Variants in MACF1 observed in about 807,000 individuals in gnomAD.
The protein encoded by MACF1 is microtubule-actin cross-linking factor 1.
MACF1 carries 193 observed loss-of-function variants against 854.8 expected under a neutral mutation model. That is an observed-to-expected ratio of 0.23 (90% CI 0.20 to 0.25). The LOEUF is 0.25. Among genes scored for constraint, MACF1 ranks in the 10% least tolerant of loss-of-function variants. The pLI, the probability that MACF1 is intolerant of heterozygous loss-of-function variation, is 1.00. For synonymous variants in MACF1, 3,185 were observed against 3,226.7 expected (o/e 0.99, Z 0.44); for missense variants, 7,722 against 8,929.1 (o/e 0.86, Z 5.45).
Position 39,335,541 on chromosome 1 carries a change from A to G in MACF1, c.8953A>G (p.Ser2985Gly), listed in dbSNP as rs1037447419. ...GAAGAGGGAGGTGATTGTAGAAGAAAGTATCAGAACATGCAAACCAGCATT... is the reference window on the plus strand; with the variant it reads ...GAAGAGGGAGGTGATTGTAGAAGAAGGTATCAGAACATGCAAACCAGCATT... ...REKREVIVEESIRTCKPAFLS... is the reference protein window; with the variant it reads ...REKREVIVEEGIRTCKPAFLS... Residue 2985 changes from serine to glycine, a missense_variant, in exon 37 of 101, where the codon AGT becomes GGT. Physicochemically the swap from Ser to Gly is moderately conservative, Grantham distance 56. This residue lies in a region of MACF1 where 854 missense variants were observed against 852.6 expected (regional missense o/e 1.00). Transcript: ENST00000564288. 2.5e-6 allele frequency: 4 copies of G among 1,614,096 alleles called. No homozygotes were observed. The highest frequency in any genetic ancestry group is 2.7e-5 in the African/African-American group (2 of 74,952).
In MACF1 at chr1:39,439,301, T is replaced by C; in HGVS notation, c.18248T>C (p.Val6083Ala). Residue 6083 changes from valine to alanine, a missense_variant, in exon 72 of 101, where the codon GTA (valine) becomes GCA (alanine). Val to Ala is a moderately conservative substitution (Grantham distance 64). Coordinates refer to ENST00000564288, the MANE Select transcript of MACF1 (RefSeq NM_001394062.1). ...KEIQDKLDQM[V>A]FFWEDIKARA... ...ATCCAGGATAAATTGGATCAAATGG[T>C]ATTCTTCTGGGAGGACATCAAAGCT... 6.2e-7 allele frequency: 1 copy of C among 1,613,238 alleles called. No individual in the cohort carries two copies. Among genetic ancestry groups the C allele is most frequent in the Non-Finnish European group, 8.5e-7 (1 of 1,179,200 alleles).
In MACF1 at chr1:39,295,069, G is replaced by C. The variant is rs766012048; in HGVS notation, c.2178G>C (p.Glu726Asp). 6 of 1,613,960 alleles carry C rather than the reference G, an allele frequency of 3.7e-6. 1 individual carries two copies. In the Admixed American group the frequency reaches 1.0e-4, roughly 27 times the overall value. ...AGGAGTTGACAATGGAACTGGAGGAGAAACAGGATGTGTTTCGTTCTCTAC... is the reference window on the plus strand; with the variant it reads ...AGGAGTTGACAATGGAACTGGAGGACAAACAGGATGTGTTTCGTTCTCTAC... ...YFSELTMELE[E>D]KQDVFRSLQD... The change falls in exon 19 of 101, where the codon GAG becomes GAC. Residue 726 changes from glutamate to aspartate, a missense_variant. Glu to Asp is a conservative substitution (Grantham distance 45, BLOSUM62 2). Around this residue, in one of 15 missense-constraint regions of MACF1, gnomAD observed 1,137 missense variants for 1,263.0 expected, o/e 0.90. Transcript: ENST00000564288.
chr1:39,100,363 C>G (rs1010114362), intron 2 of MACF1, among the ~76,000 whole-genome samples: 5 of 152,124 alleles, frequency 3.3e-5, no homozygotes, highest in Non-Finnish European at 7.3e-5. Context: ...AGGAGGTACA[C>G]ACAAGGGTGT....
At chr1:39,119,872 CTTTTTTT>C (rs571383832) in intron 2 of MACF1, among the ~76,000 whole-genome samples, 1 of 65,570 alleles carries the variant, frequency 1.5e-5, no homozygotes, top group South Asian at 6.0e-4. Flanking sequence ...AATAAAGCCT[CTTTTTTT>C]TTTTTTTTTT....
rs34762038 is a variant in MACF1 at position 39,131,151 on chromosome 1, C to CTTTTT, written c.220+46737_220+46741dup. Among the ~76,000 whole-genome samples, 71 of 42,380 alleles carry CTTTTT rather than the reference C, an allele frequency of 1.7e-3. 13 individuals carry two copies. Among genetic ancestry groups the CTTTTT allele is most frequent in the East Asian group, 7.9e-3 (8 of 1,016 alleles). 27.8% of individuals were successfully genotyped at this position (42,380 alleles called of 152,430 possible). Reference sequence around the variant, plus strand: ...ACAGGTGTGAGCCACTGCGCCCGGCCTTTTTTTTTTTTTTTTTTTTTTTTT... The same window carrying CTTTTT: ...ACAGGTGTGAGCCACTGCGCCCGGCCTTTTTTTTTTTTTTTTTTTTTTTTTTTTTT... On this transcript the variant is annotated intron_variant, in intron 2 of 93. Coordinates refer to the MACF1 transcript ENST00000361689.
At chr1:39,384,419 C>G (rs1436603110) in intron 56 of MACF1, among the ~76,000 whole-genome samples, 1 of 152,096 alleles carries the variant, frequency 6.6e-6, no homozygotes. Context: ...ATCCTTATAA[C>G]AGCCAAAGTA....
intron 98 of MACF1, among the ~76,000 whole-genome samples, chr1:39,480,705 T>C (rs765170695): frequency 6.6e-6 from 1 of 152,168 alleles, no homozygotes; most frequent in African/African-American, 2.4e-5. Context: ...GCAGTGGAGC[T>C]AACAGCTAAG....
intron 2 of MACF1, among the ~76,000 whole-genome samples, chr1:39,109,041 A>C (rs567267760): frequency 2.0e-4 from 31 of 152,320 alleles, no homozygotes; most frequent in Middle Eastern, 3.4e-3. Context: ...CATATTACTT[A>C]ATGTACAAAA....
intron 91 of MACF1, chr1:39,459,896 C>G (rs1644519936): frequency 8.1e-7 from 1 of 1,235,458 alleles, no homozygotes; most frequent in Non-Finnish European, 1.1e-6. Flanking sequence ...TTATTGGGTT[C>G]TTGGTGCTTT....
chr1:39,184,088 G>C (rs1644137709), intron 2 of MACF1, among the ~76,000 whole-genome samples: 2 of 152,232 alleles, frequency 1.3e-5, no homozygotes, highest in Admixed American at 1.3e-4. Context: ...ATAAATCACA[G>C]GAAACATCAC....
At chr1:39,317,144 T>TC in intron 28 of MACF1, 70 bp from the exon 29 acceptor site, 7 of 1,472,686 alleles carry the variant, frequency 4.8e-6, no homozygotes, top group Non-Finnish European at 6.5e-6. Context: ...TGTCCTTGTT[T>TC]CCCACCTTAG....
intron 6 of MACF1, among the ~76,000 whole-genome samples, chr1:39,270,640 G>T (rs1645297903): frequency 6.6e-6 from 1 of 152,162 alleles, no homozygotes; most frequent in Non-Finnish European, 1.5e-5. Flanking sequence ...AATGGCTAAA[G>T]AACTTTTACT....
At position 39,468,657 on chromosome 1, in the gene MACF1, A is replaced by C. The variant is rs774635194; in HGVS notation, c.21814A>C (p.Ser7272Arg). 6.2e-7 allele frequency: 1 copy of C among 1,614,176 alleles called. No homozygotes were observed. The highest frequency in any genetic ancestry group is 8.5e-7 in the Non-Finnish European group (1 of 1,180,032). ...GTTGCGGCTGGTCCGTATTCTGCGC[A>C]GCACCGTGATGGTTCGCGTTGGTGG... ...QQLRLVRILR[S>R]TVMVRVGGGW... Residue 7272 changes from serine (S) to arginine (R), a missense_variant, in exon 96 of 101, where the codon AGC becomes CGC. Ser to Arg is a moderately radical substitution (Grantham distance 110). This residue lies in a region of MACF1 where 153 missense variants were observed against 342.5 expected (regional missense o/e 0.45). Coordinates refer to ENST00000564288, the MANE Select transcript of MACF1 (RefSeq NM_001394062.1).
chr1:39,117,902 G>A (rs1642587670), intron 2 of MACF1, among the ~76,000 whole-genome samples: 2 of 152,220 alleles, frequency 1.3e-5, no homozygotes, highest in African/African-American at 4.8e-5. Context: ...AGTCAGTGAG[G>A]AAGAGGATTA....
rs978337646 is a variant in MACF1 at position 39,127,820 on chromosome 1, C to T, written c.220+43382C>T. Reference sequence around the variant, plus strand: ...CTGGTTGCAGTCTTGCCATGGGGCCCTAGTCAGATGTGAGATGTTGTAAGT... The same window carrying T: ...CTGGTTGCAGTCTTGCCATGGGGCCTTAGTCAGATGTGAGATGTTGTAAGT... On this transcript the variant is annotated intron_variant, in intron 2 of 93. Transcript: ENST00000361689. Among the ~76,000 whole-genome samples, 4 of 151,562 alleles carry T rather than the reference C, an allele frequency of 2.6e-5. No individual in the cohort carries two copies. In the East Asian group the frequency reaches 5.8e-4, roughly 22 times the overall value.
chr1:39,203,857 T>G (rs924988096), upstream of MACF1, among the ~76,000 whole-genome samples: 6 of 152,230 alleles, frequency 3.9e-5, no homozygotes, highest in African/African-American at 1.4e-4. Flanking sequence ...TGATGGACAT[T>G]TGGGTTGTTT....
chr1:39,269,952 C>T (rs1030989639), intron 6 of MACF1, among the ~76,000 whole-genome samples: 5 of 152,142 alleles, frequency 3.3e-5, no homozygotes, highest in African/African-American at 4.8e-5. Flanking sequence ...AGCCAAGTGG[C>T]GTAATTGCTC....
chr1:39,126,728 G>A (rs1039390042), intron 2 of MACF1, among the ~76,000 whole-genome samples: 1 of 151,570 alleles, frequency 6.6e-6, no homozygotes, highest in Non-Finnish European at 1.5e-5. Context: ...CAGAGATTGC[G>A]GTGAGCCAAG....
At chr1:39,390,937 CT>C (rs1642008482) in intron 58 of MACF1, among the ~76,000 whole-genome samples, 1 of 151,914 alleles carries the variant, frequency 6.6e-6, no homozygotes, top group African/African-American at 2.4e-5. Flanking sequence ...GAAACCCTGT[CT>C]CTACTAAAAA....
Sources: gnomAD v4.1 joint callset for allele counts (sites outside exome capture counted in the v4.1 genomes callset) on GRCh38, gnomAD v4.1.1 for gene constraint, gnomAD v4.1.1 regional missense constraint, MANE v1.5 for transcripts, NCBI Gene and HGNC (gene_info 2026-07-23, HGNC 2026-07-21) for gene names.